The following SLCO4C1 variants were observed in gnomAD, a reference collection of about 807,000 sequenced individuals.
The protein encoded by SLCO4C1 is solute carrier organic anion transporter family member 4C1.
A neutral mutation model predicts 72.1 loss-of-function variants in SLCO4C1; 58 were observed. The ratio of observed to expected loss-of-function variants is 0.80; its 90% confidence interval spans 0.65 to 1.00. The LOEUF (loss-of-function observed/expected upper bound fraction) is 1.00, where lower values mean the gene tolerates loss of function less well. Among genes scored for constraint, SLCO4C1 ranks in the 50% least tolerant of loss-of-function variants. The pLI, the probability that SLCO4C1 is intolerant of heterozygous loss-of-function variation, is 0.00. For synonymous variants in SLCO4C1, 297 were observed against 312.5 expected (o/e 0.95, Z 0.52); for missense variants, 898 against 857.9 (o/e 1.05, Z -0.58).
intron 2 of SLCO4C1, among the ~76,000 whole-genome samples, chr5:102,272,948 A>AAAAGAAAGAAAG (rs376676176): frequency 6.6e-6 from 1 of 151,730 alleles, no homozygotes; most frequent in African/African-American, 2.4e-5. Context: ...TCATCTCAAA[A>AAAAGAAAGAAAG]AAAGAAAGAA....
At chr5:102,292,566 T>G (rs1455989831) in intron 1 of SLCO4C1, among the ~76,000 whole-genome samples, 2 of 152,148 alleles carry the variant, frequency 1.3e-5, no homozygotes, top group African/African-American at 4.8e-5. Context: ...AAAGTTACCA[T>G]GTAAAGGATT....
At chr5:102,282,109 T>A (rs1749368928) in intron 2 of SLCO4C1, among the ~76,000 whole-genome samples, 1 of 152,106 alleles carries the variant, frequency 6.6e-6, no homozygotes, top group South Asian at 2.1e-4. Context: ...AACAACATGA[T>A]GAGTATTCAG....
intron 10 of SLCO4C1, among the ~76,000 whole-genome samples, chr5:102,242,091 C>G (rs539627267): frequency 2.3e-4 from 35 of 152,242 alleles, no homozygotes; most frequent in Admixed American, 1.8e-3. Context: ...CCTGTTAGAG[C>G]AGAAAGGAAA....
chr5:102,249,309 A>G (rs1280011602), intron 9 of SLCO4C1, among the ~76,000 whole-genome samples: 1 of 152,124 alleles, frequency 6.6e-6, no homozygotes, highest in Non-Finnish European at 1.5e-5. Flanking sequence ...TAAGTATGGC[A>G]TATTTGGGTA....
At chr5:102,282,323 C>A (rs1308398808) in intron 2 of SLCO4C1, among the ~76,000 whole-genome samples, 1 of 151,934 alleles carries the variant, frequency 6.6e-6, no homozygotes, top group African/African-American at 2.4e-5. Context: ...CAGGTTGCAA[C>A]ATATTTTATT....
chr5:102,276,412 A>G (rs1358111359), intron 2 of SLCO4C1, among the ~76,000 whole-genome samples: 1 of 152,192 alleles, frequency 6.6e-6, no homozygotes, highest in Non-Finnish European at 1.5e-5. Context: ...AAGGTGGCAG[A>G]CGAAAACAAG....
At chr5:102,268,346 T>C (rs77424238) in intron 3 of SLCO4C1, among the ~76,000 whole-genome samples, 76 of 152,310 alleles carry the variant, frequency 5.0e-4, no homozygotes, top group Non-Finnish European at 8.7e-4. Context: ...TTTGTAATTG[T>C]AAAATGATAT....
chr5:102,282,820 T>C (rs1749382225), intron 2 of SLCO4C1, among the ~76,000 whole-genome samples: 1 of 152,046 alleles, frequency 6.6e-6, no homozygotes, highest in Admixed American at 6.6e-5. Flanking sequence ...AATGTGTATA[T>C]ACATTTTTAA....
At chr5:102,290,013 T>C (rs993863800) in intron 2 of SLCO4C1, among the ~76,000 whole-genome samples, 1 of 152,162 alleles carries the variant, frequency 6.6e-6, no homozygotes, top group Non-Finnish European at 1.5e-5. Context: ...TCCATTTGCA[T>C]TGCTAAAAAG....
At chr5:102,257,091 CA>C (rs1748849169) in intron 8 of SLCO4C1, 23 bp downstream of exon 8, 15 of 1,459,328 alleles carry the variant, frequency 1.0e-5, no homozygotes, top group Non-Finnish European at 1.4e-5. Flanking sequence ...GTATTAATAT[CA>C]AAAAGCACTG....
chr5:102,266,216 A>T (rs529079258), intron 3 of SLCO4C1, among the ~76,000 whole-genome samples: 18 of 152,190 alleles, frequency 1.2e-4, no homozygotes, highest in Non-Finnish European at 2.1e-4. Flanking sequence ...GAGTCTTTAG[A>T]TGTTTTTATG....
intron 5 of SLCO4C1, among the ~76,000 whole-genome samples, chr5:102,261,228 C>T (rs1005601701): frequency 2.6e-5 from 4 of 152,074 alleles, no homozygotes; most frequent in African/African-American, 9.7e-5. Flanking sequence ...GCCTGGCCAA[C>T]ATGGCAAAAC....
At chr5:102,247,549 C>T (rs1476299507) in intron 9 of SLCO4C1, 107 bp from the exon 10 acceptor site, 2 of 627,284 alleles carry the variant, frequency 3.2e-6, no homozygotes, top group Admixed American at 3.5e-5. Context: ...TGTCTTAATC[C>T]ATATTCAACA....
chr5:102,234,462 G>A lies in SLCO4C1; in HGVS notation c.*2396C>T, dbSNP rs774194141. On this transcript the variant is annotated 3_prime_UTR_variant, in exon 13 of 13. Transcript: ENST00000310954. ...CTTTTAAGGACCAAAATTATTTTCA[G>A]TCTAACCATTTTCATTAAAGCGCTT... 6.6e-6 allele frequency: 1 copy of A among 152,522 alleles called. No homozygotes were observed. Among genetic ancestry groups the A allele is most frequent in the Non-Finnish European group, 1.5e-5 (1 of 67,994 alleles). The allele number at this position is 152,522 out of a possible 1,614,324, so 9.4% of individuals were successfully genotyped here.
intron 2 of SLCO4C1, among the ~76,000 whole-genome samples, chr5:102,280,136 A>G (rs1049600044): frequency 4.7e-5 from 7 of 150,390 alleles, no homozygotes; most frequent in African/African-American, 1.7e-4. Context: ...AATTAGTGCC[A>G]TACAGAAGGT....
chr5:102,242,962 G>A (rs533087230), intron 10 of SLCO4C1, among the ~76,000 whole-genome samples: 9 of 152,242 alleles, frequency 5.9e-5, no homozygotes, highest in African/African-American at 2.2e-4. Context: ...GGGCCAGCAG[G>A]GAGCTCTCTG....
chr5:102,238,781 C>T (rs1219413513), intron 12 of SLCO4C1, among the ~76,000 whole-genome samples: 1 of 152,084 alleles, frequency 6.6e-6, no homozygotes, highest in African/African-American at 2.4e-5. Context: ...CTGCAAAAGG[C>T]AAAAAGAATT....
At chr5:102,267,410 T>C (rs1030517098) in intron 3 of SLCO4C1, among the ~76,000 whole-genome samples, 5 of 152,084 alleles carry the variant, frequency 3.3e-5, no homozygotes, top group Non-Finnish European at 5.9e-5. Context: ...ATTTGTTGGA[T>C]GTATTTGTTA....
intron 12 of SLCO4C1, 99 bp from the exon 13 acceptor site, chr5:102,237,117 A>G (rs1266002912): frequency 8.5e-7 from 1 of 1,175,360 alleles, no homozygotes; most frequent in African/African-American, 1.6e-5. Flanking sequence ...TTTAAAGAGA[A>G]TAATTACATA....
Sources: allele counts gnomAD v4.1 joint callset (sites outside exome capture counted in the v4.1 genomes callset), GRCh38; gene constraint gnomAD v4.1.1; transcripts MANE v1.5; gene names NCBI Gene and HGNC (gene_info 2026-07-23, HGNC 2026-07-21).